MAGI2: variants seen among roughly 807,000 people sequenced by gnomAD.
The protein encoded by MAGI2 is membrane-associated guanylate kinase, WW and PDZ domain-containing protein 2.
A neutral mutation model predicts 133.3 loss-of-function variants in MAGI2; 35 were observed. The observed-to-expected ratio is 0.26, with a 90% CI of 0.20 to 0.35. The LOEUF is 0.35. Ranked by LOEUF, MAGI2 falls within the 10% of genes least tolerant of loss-of-function variation. MAGI2 has a pLI of 1.00. For synonymous variants in MAGI2, 729 were observed against 710.6 expected, an observed-to-expected ratio of 1.03 and a Z score of -0.41; for missense variants, 1,636 against 1,863.4, an observed-to-expected ratio of 0.88 and a Z score of 2.25.
At chr7:79,238,389 T>A (rs1175843151) in intron 1 of MAGI2, among the ~76,000 whole-genome samples, 2 of 152,198 alleles carry the variant, frequency 1.3e-5, no homozygotes, top group African/African-American at 2.4e-5. Context: ...GATCTTACAA[T>A]GGCTTCTTTC....
chr7:78,333,435 G>C (rs181358707), intron 9 of MAGI2, among the ~76,000 whole-genome samples: 148 of 150,182 alleles, frequency 9.9e-4, no homozygotes, highest in African/African-American at 3.6e-3. Flanking sequence ...CCACCAAAAG[G>C]TTCCCCCTTC....
At chr7:78,530,769 T>C (rs1419373451) in intron 3 of MAGI2, among the ~76,000 whole-genome samples, 1 of 152,258 alleles carries the variant, frequency 6.6e-6, no homozygotes, top group African/African-American at 2.4e-5. Flanking sequence ...ATGTGTCCCA[T>C]TTCCAATTTC....
chr7:78,163,951 G>T (rs1825365382), intron 15 of MAGI2, among the ~76,000 whole-genome samples: 1 of 151,792 alleles, frequency 6.6e-6, no homozygotes, highest in African/African-American at 2.4e-5. Context: ...TAAATAGGGA[G>T]ATTTTTATAG....
intron 1 of MAGI2, among the ~76,000 whole-genome samples, chr7:79,008,324 C>T (rs2116539441): frequency 6.6e-6 from 1 of 152,246 alleles, no homozygotes; most frequent in East Asian, 1.9e-4. Flanking sequence ...TGTAGGTGTG[C>T]ACAGGTGCAA....
chr7:78,528,136 G>A (rs770578762), intron 3 of MAGI2, among the ~76,000 whole-genome samples: 3 of 152,168 alleles, frequency 2.0e-5, no homozygotes, highest in African/African-American at 4.8e-5. Flanking sequence ...ATGTCTTCGT[G>A]TTGGAAACAA....
intron 2 of MAGI2, among the ~76,000 whole-genome samples, chr7:78,985,693 C>T (rs570115832): frequency 1.1e-4 from 17 of 152,112 alleles, no homozygotes; most frequent in African/African-American, 3.4e-4. Flanking sequence ...ACTTTTAAAG[C>T]GCCATCTACC....
chr7:78,726,606 T>C (rs1206293142), intron 2 of MAGI2, among the ~76,000 whole-genome samples: 2 of 152,186 alleles, frequency 1.3e-5, no homozygotes, highest in Admixed American at 6.5e-5. Flanking sequence ...ATTATCATCG[T>C]TGAAGTCACA....
At chr7:78,402,937 A>T (rs1413961784) in intron 6 of MAGI2, among the ~76,000 whole-genome samples, 1 of 152,220 alleles carries the variant, frequency 6.6e-6, no homozygotes, top group Non-Finnish European at 1.5e-5. Context: ...CATATTACTT[A>T]TCAAATTTGA....
At chr7:78,147,459 T>C (rs974123018) in intron 16 of MAGI2, among the ~76,000 whole-genome samples, 2 of 152,194 alleles carry the variant, frequency 1.3e-5, no homozygotes, top group Non-Finnish European at 2.9e-5. Context: ...TATAACTATA[T>C]GTGTTTTCAG....
At chr7:78,501,938 G>A in intron 4 of MAGI2, 151 bp from the exon 5 acceptor site, 6 of 610,570 alleles carry the variant, frequency 9.8e-6, no homozygotes, top group South Asian at 6.0e-5. Context: ...TGATCACTAG[G>A]CCTATTTGAG....
intron 1 of MAGI2, among the ~76,000 whole-genome samples, chr7:79,182,566 G>A (rs918839427): frequency 1.3e-5 from 2 of 151,856 alleles, no homozygotes; most frequent in African/African-American, 4.8e-5. Context: ...CAGAAAATTG[G>A]ACTCTTATAC....
intron 6 of MAGI2, among the ~76,000 whole-genome samples, chr7:78,394,582 CAT>C (rs776616433): frequency 2.6e-5 from 4 of 152,190 alleles, no homozygotes; most frequent in Non-Finnish European, 5.9e-5. Flanking sequence ...AGTTCAGCTA[CAT>C]GTTTCCCTTC....
chr7:78,164,033 C>T (rs923872645), intron 15 of MAGI2, among the ~76,000 whole-genome samples: 1 of 152,146 alleles, frequency 6.6e-6, no homozygotes, highest in Non-Finnish European at 1.5e-5. Context: ...GCTGCTCCTT[C>T]AACTGGGTAT....
chr7:78,310,235 G>A (rs554838348), intron 9 of MAGI2, among the ~76,000 whole-genome samples: 1 of 152,222 alleles, frequency 6.6e-6, no homozygotes, highest in Non-Finnish European at 1.5e-5. Context: ...AAGAGATCGA[G>A]ATCATCCTGG....
chr7:78,259,144 C>A (rs1005643206), intron 9 of MAGI2, among the ~76,000 whole-genome samples: 1 of 152,074 alleles, frequency 6.6e-6, no homozygotes, highest in African/African-American at 2.4e-5. Flanking sequence ...TGTTTATTGG[C>A]CTTTTGGATT....
chr7:78,149,566 C>A (rs1363843578), intron 16 of MAGI2, among the ~76,000 whole-genome samples: 1 of 152,202 alleles, frequency 6.6e-6, no homozygotes, highest in Non-Finnish European at 1.5e-5. Context: ...TATTTTTCAT[C>A]TTGCTGTTCA....
chr7:78,381,388 G>A (rs1241175487), intron 6 of MAGI2, among the ~76,000 whole-genome samples: 2 of 150,544 alleles, frequency 1.3e-5, no homozygotes, highest in Non-Finnish European at 1.5e-5. Context: ...TGAGTACTAG[G>A]GGTAAATTCC....
At chr7:78,959,566 C>A (rs970070257) in intron 2 of MAGI2, among the ~76,000 whole-genome samples, 24 of 152,050 alleles carry the variant, frequency 1.6e-4, no homozygotes, top group African/African-American at 5.8e-4. Flanking sequence ...GTCATTGAAG[C>A]AATACATTAT....
At chr7:79,250,095 T>C (rs1833121053) in intron 1 of MAGI2, among the ~76,000 whole-genome samples, 1 of 152,082 alleles carries the variant, frequency 6.6e-6, no homozygotes. Flanking sequence ...CATCTCTTCA[T>C]GATAAAAATA....
Sources: gnomAD v4.1 joint callset for allele counts (sites outside exome capture counted in the v4.1 genomes callset) on GRCh38, gnomAD v4.1.1 for gene constraint, MANE v1.5 for transcripts, NCBI Gene and HGNC (gene_info 2026-07-23, HGNC 2026-07-21) for gene names.